Variants in NLRP1 observed in about 807,000 individuals in gnomAD.
NLRP1 encodes NACHT, LRR and PYD domains-containing protein 1.
A neutral mutation model predicts 136.7 loss-of-function variants in NLRP1; 94 were observed. That is an observed-to-expected ratio of 0.69 (90% confidence interval 0.58 to 0.82). The LOEUF (loss-of-function observed/expected upper bound fraction) is 0.82, where lower values mean the gene tolerates loss of function less well. Among genes scored for constraint, NLRP1 ranks in the 40% least tolerant of loss-of-function variants. The pLI is 0.00. For synonymous variants in NLRP1, 690 were observed against 725.1 expected, an observed-to-expected ratio of 0.95 and a Z score of 0.78; for missense variants, 1,575 against 1,802.7, an observed-to-expected ratio of 0.87 and a Z score of 2.29.
intron 3 of NLRP1, among the ~76,000 whole-genome samples, chr17:5,563,860 T>A (rs960832406): frequency 2.6e-5 from 4 of 151,776 alleles, no homozygotes; most frequent in Non-Finnish European, 5.9e-5. Context: ...AAGGCCAACA[T>A]GAAAGAAAAA....
chr17:5,577,265 C>T lies in NLRP1; in HGVS notation c.652+4594G>A, dbSNP rs1475233002. On this transcript the variant is annotated intron_variant, in intron 3 of 16. Coordinates refer to ENST00000572272, the MANE Select transcript of NLRP1 (RefSeq NM_033004.4). Reference sequence around the variant, plus strand: ...ATAGTGTTGGAAGTTCTGGCCAGGGCAATCAGGCAGGAGAAAGAAATAAAG... The same window carrying T: ...ATAGTGTTGGAAGTTCTGGCCAGGGTAATCAGGCAGGAGAAAGAAATAAAG... Among the ~76,000 whole-genome samples the T allele has an allele frequency of 2.0e-5, 3 of 152,240 alleles. No individual in the cohort carries two copies. In the South Asian group the frequency reaches 6.2e-4, roughly 32 times the overall value.
At chr17:5,527,035 C>G (rs1448211856) in intron 12 of NLRP1, among the ~76,000 whole-genome samples, 1 of 152,244 alleles carries the variant, frequency 6.6e-6, no homozygotes, top group Non-Finnish European at 1.5e-5. Flanking sequence ...GCAGCCCAGA[C>G]AGCAGGCAGC....
At chr17:5,521,446 C>T (rs1908887549) in intron 13 of NLRP1, 78 bp downstream of exon 13, 2 of 1,497,474 alleles carry the variant, frequency 1.3e-6, no homozygotes. Context: ...GTTGAAGACC[C>T]TCTAGGGGGC....
rs539499470 is a variant in NLRP1, at chr17:5,565,043, T to C, written c.653-5000A>G. On this transcript the variant is annotated intron_variant, in intron 3 of 16. Coordinates refer to ENST00000572272, the MANE Select transcript of NLRP1 (RefSeq NM_033004.4). ...TGAGCCACTGCGCCCAGCCAATTTTTAGTTTTTTGAGGAAACTCCAAACTG... is the reference window on the plus strand; with the variant it reads ...TGAGCCACTGCGCCCAGCCAATTTTCAGTTTTTTGAGGAAACTCCAAACTG... Among the ~76,000 whole-genome samples the C allele has an allele frequency of 1.3e-4, 20 of 151,744 alleles. No homozygotes were observed. In the South Asian group the frequency reaches 4.1e-3, roughly 31 times the overall value.
At chr17:5,510,455 G>A (rs1478723058), downstream of NLRP1, among the ~76,000 whole-genome samples, 4 of 151,970 alleles carry the variant, frequency 2.6e-5, no homozygotes, top group South Asian at 6.2e-4. Flanking sequence ...TGCCTCCCAC[G>A]TACAAGCAAT....
intron 3 of NLRP1, among the ~76,000 whole-genome samples, chr17:5,577,760 T>C (rs1399354800): frequency 6.6e-6 from 1 of 152,124 alleles, no homozygotes; most frequent in Non-Finnish European, 1.5e-5. Context: ...AAAAAACGAC[T>C]TAAAAGTTCA....
At chr17:5,569,789 C>A (rs914079513) in intron 3 of NLRP1, among the ~76,000 whole-genome samples, 13 of 152,160 alleles carry the variant, frequency 8.5e-5, no homozygotes, top group Non-Finnish European at 1.2e-4. Flanking sequence ...ATCTACAGAA[C>A]TCTCCACCCC....
rs542698434 is a variant in NLRP1 at position 5,553,526 on chromosome 17, A to G, written c.2388T>C (p.Tyr796=). 13 of 1,614,140 alleles carry G rather than the reference A, an allele frequency of 8.1e-6. No individual in the cohort carries two copies. The African/African-American group carries it at 1.2e-4, about 15-fold the overall frequency. ...TGAGGACGGAGAAGAGAATCTGCCA[A>G]TAGGCATCTGTGACTGGGACCCACC... is the stretch of plus-strand genomic sequence containing the variant. ...LFRWVPVTDA[Y]WQILFSVLKV... Residue 796 remains tyrosine, a synonymous_variant, in exon 5 of 17, where the codon TAT becomes TAC. Transcript: ENST00000572272.
chr17:5,576,662 G>A (rs1283208851), intron 3 of NLRP1, among the ~76,000 whole-genome samples: 2 of 152,054 alleles, frequency 1.3e-5, no homozygotes, highest in Admixed American at 1.3e-4. Flanking sequence ...CGGATTCACA[G>A]CCAAATTCTA....
At chr17:5,531,461 C>T (rs968569259) in intron 11 of NLRP1, among the ~76,000 whole-genome samples, 1 of 152,136 alleles carries the variant, frequency 6.6e-6, no homozygotes, top group African/African-American at 2.4e-5. Context: ...TCAAGTGATC[C>T]TCCTGCCTCG....
intron 4 of NLRP1, among the ~76,000 whole-genome samples, 160 bp from the exon 5 acceptor site, chr17:5,553,716 C>CCT (rs3067056): frequency 0.58 from 88,129 of 151,758 alleles, 25,961 homozygotes; most frequent in East Asian, 0.82. Context: ...CCTGTCTGCC[C>CCT]GTCACCCAGG....
intron 14 of NLRP1, chr17:5,518,110 G>A (rs1597394002): frequency 2.0e-6 from 1 of 500,238 alleles, no homozygotes; most frequent in Non-Finnish European, 3.6e-6. Flanking sequence ...GTCCTTAAAC[G>A]TAGTGCTCAT....
chr17:5,545,706 C>G (rs192669542), intron 5 of NLRP1, among the ~76,000 whole-genome samples: 1 of 152,170 alleles, frequency 6.6e-6, no homozygotes, highest in Non-Finnish European at 1.5e-5. Context: ...AAAGTCCAGA[C>G]GCAGCTGGCA....
Position 5,530,689 on chromosome 17 carries a change from T to C in NLRP1, c.3312A>G (p.Val1104=). 6.2e-7 allele frequency: 1 copy of C among 1,613,998 alleles called. No homozygotes were observed. ...TGTTGGGCCAGCGGTAGGAGCCAGC[T>C]ACAGGGAAGTGAACTCTGGGAAGAA... ...EKNLYRVHFP[V]AGSYRWPNTG... is the part of the protein sequence containing the mutation. The change falls in exon 12 of 17, where the codon GTA becomes GTG. Residue 1104 remains valine (V), a synonymous_variant. Transcript: ENST00000572272.
At position 5,541,719 on chromosome 17, in the gene NLRP1, C is replaced by CTG; in HGVS notation, c.2699+137_2699+138insCA. The CTG allele has an allele frequency of 1.2e-6, 1 of 833,932 alleles. No homozygotes were observed. The highest frequency in any genetic ancestry group is 1.9e-6 in the Non-Finnish European group (1 of 532,066). The allele number at this position is 833,932 out of a possible 1,614,324, so 51.7% of individuals were successfully genotyped here. A position where few individuals can be genotyped will look rare whatever the true frequency, so the allele number is the denominator to read the frequency against. On this transcript the variant is annotated intron_variant, in intron 6 of 16. Coordinates refer to ENST00000572272, the MANE Select transcript of NLRP1 (RefSeq NM_033004.4). The surrounding 1 kb of genome is among the most constrained non-coding windows in gnomAD (Gnocchi z 4.2). ...GGTGGATGAGCTTCCTCCTGAGCCT[C>CTG]TACTGCCTGGCTGAGATCCTGTAGG...
intron 12 of NLRP1, among the ~76,000 whole-genome samples, chr17:5,526,371 C>A (rs974962892): frequency 3.3e-5 from 5 of 152,146 alleles, no homozygotes; most frequent in Non-Finnish European, 7.3e-5. Context: ...AGGAAGACAA[C>A]AGTTTTGAGG....
rs781402499 is a variant in NLRP1, at chr17:5,581,852, G to T, written c.652+7C>A. ...ACCACCCCGCCAGGAGCTCAGTAGGGTCTCACCTGTGTAGTAAATTCCTGA... is the reference window on the plus strand; with the variant it reads ...ACCACCCCGCCAGGAGCTCAGTAGGTTCTCACCTGTGTAGTAAATTCCTGA... On this transcript the variant is annotated splice_region_variant and intron_variant, in intron 3 of 16. Transcript: ENST00000572272. 1 of 1,609,088 alleles carries T rather than the reference G, an allele frequency of 6.2e-7. No individual in the cohort carries two copies. The highest frequency in any genetic ancestry group is 8.5e-7 in the Non-Finnish European group (1 of 1,177,110).
At chr17:5,545,026 T>C (rs896898966) in intron 5 of NLRP1, among the ~76,000 whole-genome samples, 3 of 152,102 alleles carry the variant, frequency 2.0e-5, no homozygotes, top group African/African-American at 7.2e-5. Context: ...AATACCACTC[T>C]CCATCCTCTC....
intron 12 of NLRP1, among the ~76,000 whole-genome samples, chr17:5,529,134 C>T (rs1909908056): frequency 6.6e-6 from 1 of 152,220 alleles, no homozygotes; most frequent in South Asian, 2.1e-4. Flanking sequence ...TGTAGTTTCA[C>T]ATTAATGAGA....
Sources: gnomAD v4.1 joint callset for allele counts (sites outside exome capture counted in the v4.1 genomes callset) on GRCh38, gnomAD v4.1.1 for gene constraint, Gnocchi (gnomAD v3.1) non-coding constraint, MANE v1.5 for transcripts, NCBI Gene and HGNC (gene_info 2026-07-23, HGNC 2026-07-21) for gene names.